Variants in SLC24A2 observed in about 807,000 individuals in gnomAD.
SLC24A2 encodes the protein solute carrier family 24 member 2.
SLC24A2 carries 36 observed loss-of-function variants against 62.0 expected under a neutral mutation model. That is an observed-to-expected ratio of 0.58 (90% CI 0.44 to 0.77). The LOEUF (loss-of-function observed/expected upper bound fraction) is 0.77, where lower values mean the gene tolerates loss of function less well. SLC24A2 is among the 30% of genes least tolerant of loss of function. The probability of loss-of-function intolerance (pLI) is 0.00; values close to 1 mark genes in which losing one functional copy is unlikely to be tolerated. For synonymous variants in SLC24A2, 358 were observed against 294.0 expected, an observed-to-expected ratio of 1.22 and a Z score of -2.23; for missense variants, 846 against 817.9, an observed-to-expected ratio of 1.03 and a Z score of -0.42.
the SLC24A2 span, among the ~76,000 whole-genome samples, chr9:20,126,370 T>C: frequency 2.0e-5 from 3 of 152,138 alleles, no homozygotes; most frequent in African/African-American, 4.8e-5. Context: ...TACTGACTTT[T>C]AGATTTTTTT....
the SLC24A2 span, among the ~76,000 whole-genome samples, chr9:19,867,930 C>CA: frequency 1.3e-4 from 19 of 150,812 alleles, no homozygotes; most frequent in East Asian, 3.9e-4. Context: ...ACAAAACAAA[C>CA]AAAAAAAAAC....
chr9:19,818,465 C>G, the SLC24A2 span, among the ~76,000 whole-genome samples: 3 of 152,064 alleles, frequency 2.0e-5, no homozygotes, highest in African/African-American at 7.2e-5. Context: ...TAAAGACTCC[C>G]CCAGAAAGCT....
At chr9:20,146,542 T>C in the SLC24A2 span, among the ~76,000 whole-genome samples, 1 of 152,048 alleles carries the variant, frequency 6.6e-6, no homozygotes, top group African/African-American at 2.4e-5. Flanking sequence ...GAAAGCTGAG[T>C]ATAGGGGAAC....
rs965778004 is a variant in SLC24A2 at position 19,512,281 on chromosome 9, A to G, written c.*3872T>C. Reference sequence around the variant, plus strand: ...ACCTGATTCATGTCTTCCCTATAAAATAAATTATGATGGCCCTTGTCAGGT... The same window carrying G: ...ACCTGATTCATGTCTTCCCTATAAAGTAAATTATGATGGCCCTTGTCAGGT... On this transcript the variant is annotated 3_prime_UTR_variant, in exon 11 of 11. Coordinates refer to ENST00000341998, the MANE Select transcript of SLC24A2 (RefSeq NM_020344.4). The G allele has an allele frequency of 7.2e-5, 11 of 152,264 alleles. No individual in the cohort carries two copies. The highest frequency in any genetic ancestry group is 2.7e-4 in the African/African-American group (11 of 41,466). The allele number at this position is 152,264 out of a possible 1,614,324, so 9.4% of individuals were successfully genotyped here.
At chr9:20,090,541 A>T in the SLC24A2 span, among the ~76,000 whole-genome samples, 3 of 152,140 alleles carry the variant, frequency 2.0e-5, no homozygotes, top group Admixed American at 2.0e-4. Context: ...ACTATAGCTA[A>T]GCATCACCTA....
the SLC24A2 span, among the ~76,000 whole-genome samples, chr9:19,815,038 T>C: frequency 2.6e-5 from 4 of 152,196 alleles, no homozygotes; most frequent in South Asian, 4.1e-4. Flanking sequence ...TTGGGATTTA[T>C]GAAAAATGTT....
At chr9:19,667,091 T>C (rs575783141) in intron 2 of SLC24A2, among the ~76,000 whole-genome samples, 29 of 152,286 alleles carry the variant, frequency 1.9e-4, no homozygotes, top group African/African-American at 5.5e-4. Flanking sequence ...AGTAACTCGA[T>C]TTTCTGGACA....
chr9:19,806,768 C>CTCTGTGCCATGCGACTCACATCACAG, the SLC24A2 span, among the ~76,000 whole-genome samples: 28 of 152,156 alleles, frequency 1.8e-4, no homozygotes, highest in African/African-American at 6.0e-4. Context: ...GAAGTTGCAA[C>CTCTGTGCCATGCGACTCACATCACAG]TCTGTGCCAT....
the SLC24A2 span, among the ~76,000 whole-genome samples, chr9:20,119,739 C>G: frequency 6.6e-6 from 1 of 152,106 alleles, no homozygotes; most frequent in Non-Finnish European, 1.5e-5. Flanking sequence ...CAGCATTGTA[C>G]AGGAGTTCCC....
chr9:19,860,789 T>C, the SLC24A2 span, among the ~76,000 whole-genome samples: 2 of 152,130 alleles, frequency 1.3e-5, no homozygotes, highest in Non-Finnish European at 2.9e-5. Context: ...TAAGAGAACA[T>C]TGGCAGTTGT....
chr9:20,094,705 T>G, the SLC24A2 span, among the ~76,000 whole-genome samples: 1 of 152,150 alleles, frequency 6.6e-6, no homozygotes, highest in Admixed American at 6.5e-5. Flanking sequence ...AAATAAAAAT[T>G]TTATCAGTTA....
the SLC24A2 span, among the ~76,000 whole-genome samples, chr9:19,987,066 G>A: frequency 1.8e-4 from 27 of 152,296 alleles, no homozygotes; most frequent in South Asian, 3.5e-3. Flanking sequence ...AGACAGTGGA[G>A]GGTGGAAGGG....
the SLC24A2 span, among the ~76,000 whole-genome samples, chr9:20,061,827 C>T: frequency 6.6e-6 from 1 of 151,912 alleles, no homozygotes; most frequent in Non-Finnish European, 1.5e-5. Flanking sequence ...AAAAAAAATA[C>T]CTGGTAAACG....
At chr9:20,126,317 A>C in the SLC24A2 span, among the ~76,000 whole-genome samples, 1 of 152,090 alleles carries the variant, frequency 6.6e-6, no homozygotes, top group East Asian at 1.9e-4. Flanking sequence ...TGAAAACCTG[A>C]TCATGCCTTT....
In SLC24A2 at chr9:19,561,961, T is replaced by A. The variant is rs562245913; in HGVS notation, c.1347+11390A>T. On this transcript the variant is annotated intron_variant, in intron 7 of 10. Coordinates refer to ENST00000341998, the MANE Select transcript of SLC24A2 (RefSeq NM_020344.4). ...AAATCAAGGTTTCAAAATATTTTGT[T>A]GTGAGTGATGAAGCTGTCTGGACCT... Among the ~76,000 whole-genome samples, 363 of 152,314 alleles carry A rather than the reference T, an allele frequency of 2.4e-3. 4 individuals are homozygous for A. The highest frequency in any genetic ancestry group is 7.8e-3 in the African/African-American group (326 of 41,562).
At position 19,636,309 on chromosome 9, in the gene SLC24A2, CT is replaced by C. The variant is rs1194778524; in HGVS notation, c.931-14011del. 2.1e-3 allele frequency among the ~76,000 whole-genome samples: 83 copies of C among 40,438 alleles called. 6 individuals are homozygous for C. The highest frequency in any genetic ancestry group is 6.8e-3 in the African/African-American group (68 of 10,014). The allele number at this position is 40,438 out of a possible 152,430, so 26.5% of individuals were successfully genotyped here. A position where few individuals can be genotyped will look rare whatever the true frequency, so the allele number is the denominator to read the frequency against. On this transcript the variant is annotated intron_variant, in intron 2 of 10. Transcript: ENST00000341998. Reference sequence around the variant, plus strand: ...CTCTTCTTTTCTTTTCTTTTCTTTTCTTTTCTTTTCTTTCTTTCTTTCTTTC... The same window carrying C: ...CTCTTCTTTTCTTTTCTTTTCTTTTCTTTCTTTTCTTTCTTTCTTTCTTTC...
At chr9:20,236,043 A>G in the SLC24A2 span, among the ~76,000 whole-genome samples, 2 of 152,210 alleles carry the variant, frequency 1.3e-5, no homozygotes, top group Admixed American at 6.5e-5. Context: ...TCCAAGAGAA[A>G]TAACTAGATA....
the SLC24A2 span, among the ~76,000 whole-genome samples, chr9:20,241,208 A>T: frequency 6.6e-6 from 1 of 152,278 alleles, no homozygotes; most frequent in South Asian, 2.1e-4. Context: ...TACATTCACC[A>T]TATTAGGACC....
At chr9:19,516,801 G>C (rs1438197174) in intron 10 of SLC24A2, among the ~76,000 whole-genome samples, 2 of 152,058 alleles carry the variant, frequency 1.3e-5, no homozygotes, top group South Asian at 4.1e-4. Context: ...GTGCAAAAAA[G>C]GCACAGAAAT....
Sources: allele counts gnomAD v4.1 joint callset (sites outside exome capture counted in the v4.1 genomes callset), GRCh38; gene constraint gnomAD v4.1.1; transcripts MANE v1.5; gene names NCBI Gene and HGNC (gene_info 2026-07-23, HGNC 2026-07-21).